FYB2: variants seen among roughly 807,000 people sequenced by gnomAD.
FYB2 encodes FYN binding protein 2, also known as FYN-binding protein 2.
Under a neutral mutation model 94.1 loss-of-function variants are expected in FYB2, and 103 were observed. That is an observed-to-expected ratio of 1.09 (90% CI 0.93 to 1.29). The LOEUF (loss-of-function observed/expected upper bound fraction) is 1.29, where lower values mean the gene tolerates loss of function less well. Among genes scored for constraint, FYB2 ranks in the 50% most tolerant of loss-of-function variants. The pLI, the probability that FYB2 is intolerant of heterozygous loss-of-function variation, is 0.00. For missense variants in FYB2, 896 were observed against 841.5 expected, an observed-to-expected ratio of 1.06 and a Z score of -0.80; for synonymous variants, 293 against 287.9, an observed-to-expected ratio of 1.02 and a Z score of -0.18.
chr1:56,803,605 T>G (rs1362874170), intron 1 of FYB2, among the ~76,000 whole-genome samples: 1 of 152,188 alleles, frequency 6.6e-6, no homozygotes, highest in East Asian at 1.9e-4. Context: ...ACAATTCCAG[T>G]CTAAAATGTC....
chr1:56,736,344 CTT>C (rs967857556), intron 15 of FYB2, among the ~76,000 whole-genome samples: 1 of 148,948 alleles, frequency 6.7e-6, no homozygotes, highest in Non-Finnish European at 1.5e-5. Context: ...AGAGAGGAGA[CTT>C]TTATTTTTAA....
In FYB2 at chr1:56,719,253, A is replaced by AAATT. The variant is rs1644441294; in HGVS notation, c.*414_*417dup. 1 of 160,808 alleles carries AAATT rather than the reference A, an allele frequency of 6.2e-6. No individual in the cohort carries two copies. The highest frequency in any genetic ancestry group is 1.9e-4 in the South Asian group (1 of 5,250). The allele number at this position is 160,808 out of a possible 1,614,324, so 10.0% of individuals were successfully genotyped here. ...GTTACACTGTTTACTGTTCAGAATT[A>AAATT]AATTATACCAAGTTTGAGTGCACAA... On this transcript the variant is annotated 3_prime_UTR_variant, in exon 20 of 20. Transcript: ENST00000343433.
intron 1 of FYB2, among the ~76,000 whole-genome samples, chr1:56,797,543 A>C (rs1194894841): frequency 6.6e-6 from 1 of 152,106 alleles, no homozygotes; most frequent in Non-Finnish European, 1.5e-5. Flanking sequence ...AATTTTGCCC[A>C]ACAGAGGTGT....
At chr1:56,760,033 C>T (rs949303620) in intron 5 of FYB2, among the ~76,000 whole-genome samples, 6 of 147,446 alleles carry the variant, frequency 4.1e-5, no homozygotes, top group African/African-American at 7.5e-5. Flanking sequence ...GAGCCGAGAT[C>T]GCGCTACTGT....
At chr1:56,782,052 C>T (rs1012507544) in intron 4 of FYB2, among the ~76,000 whole-genome samples, 2 of 152,026 alleles carry the variant, frequency 1.3e-5, no homozygotes, top group East Asian at 1.9e-4. Flanking sequence ...TACATTCGTA[C>T]GATGTGTAAA....
At position 56,753,848 on chromosome 1, in the gene FYB2, A is replaced by G. The variant is rs746361354; in HGVS notation, c.1218T>C (p.His406=). 4 of 1,606,006 alleles carry G rather than the reference A, an allele frequency of 2.5e-6. No homozygotes were observed. Among genetic ancestry groups the G allele is most frequent in the Admixed American group, 3.3e-5 (2 of 59,810 alleles). ...CGTAGAACATAGGTACCTTGAAAAC[A>G]TGGTTTGAATATGGTTCCTTTTCTG... ...KNTEKEPYSN[H]VFKVDACEGT... Residue 406 remains histidine (H), a synonymous_variant, in exon 8 of 20, where the codon CAT becomes CAC. Coordinates refer to ENST00000343433, the MANE Select transcript of FYB2 (RefSeq NM_001004303.5).
chr1:56,729,801 A>G (rs140759967), intron 15 of FYB2, among the ~76,000 whole-genome samples: 1 of 152,270 alleles, frequency 6.6e-6, no homozygotes, highest in East Asian at 1.9e-4. Flanking sequence ...AGTATCAACA[A>G]GTTTTTAAAA....
chr1:56,792,150 G>C lies in FYB2; in HGVS notation c.663C>G (p.Ile221Met). 6.2e-7 allele frequency: 1 copy of C among 1,613,938 alleles called. No homozygotes were observed. Among genetic ancestry groups the C allele is most frequent in the Non-Finnish European group, 8.5e-7 (1 of 1,179,942 alleles). ...EDPSFVISQH[I>M]RKSWENPPPE... ...GAGGTGGGTTTTCCCAGCTTTTTCT[G>C]ATATGTTGAGAAATTACAAAAGAGG... The change falls in exon 2 of 20, where the codon ATC (isoleucine) becomes ATG (methionine). Residue 221 changes from isoleucine to methionine, a missense_variant. Coordinates refer to ENST00000343433, the MANE Select transcript of FYB2 (RefSeq NM_001004303.5).
chr1:56,794,036 T>C (rs1646338190), intron 1 of FYB2, among the ~76,000 whole-genome samples: 1 of 152,218 alleles, frequency 6.6e-6, no homozygotes, highest in African/African-American at 2.4e-5. Context: ...TCCATTACAG[T>C]GCCTGACACA....
chr1:56,740,347 A>C (rs1644922631), intron 13 of FYB2, among the ~76,000 whole-genome samples: 2 of 152,116 alleles, frequency 1.3e-5, no homozygotes, highest in African/African-American at 4.8e-5. Flanking sequence ...GTAGGGCCCC[A>C]AAAGCATAAA....
chr1:56,754,446 C>T (rs967283425), intron 7 of FYB2, among the ~76,000 whole-genome samples: 2 of 152,064 alleles, frequency 1.3e-5, no homozygotes, highest in African/African-American at 2.4e-5. Flanking sequence ...AGCAGTCATA[C>T]CTTCTCTACT....
chr1:56,752,976 T>C (rs1219940397), intron 8 of FYB2, among the ~76,000 whole-genome samples: 1 of 152,072 alleles, frequency 6.6e-6, no homozygotes, highest in East Asian at 1.9e-4. Flanking sequence ...GGACCTTGTC[T>C]TTCTTAATTA....
At chr1:56,758,178 A>G (rs1645404547) in intron 6 of FYB2, among the ~76,000 whole-genome samples, 1 of 151,634 alleles carries the variant, frequency 6.6e-6, no homozygotes, top group Non-Finnish European at 1.5e-5. Context: ...CATTTATCTT[A>G]TTTTCATTCT....
Position 56,792,235 on chromosome 1 carries a change from G to T in FYB2, c.578C>A (p.Thr193Asn), listed in dbSNP as rs201585746. The T allele has an allele frequency of 1.8e-5, 29 of 1,612,904 alleles. No homozygotes were observed. Among genetic ancestry groups the T allele is most frequent in the Non-Finnish European group, 2.5e-5 (29 of 1,179,740 alleles). The stretch of plus-strand genomic sequence containing the variant: ...CACCACGTGCTTCTGGGAAGGAAGA[G>T]TCTGGGCTCCTTTTGTTTCCAGCTT... ...RKKLETKGAQTLPSQKHVVAP... is the reference protein window; with the variant it reads ...RKKLETKGAQNLPSQKHVVAP... Residue 193 changes from threonine to asparagine, a missense_variant, in exon 2 of 20, where the codon ACT (threonine) becomes AAT (asparagine). Thr to Asn is a moderately conservative substitution (Grantham distance 65, BLOSUM62 0). Coordinates refer to ENST00000343433, the MANE Select transcript of FYB2 (RefSeq NM_001004303.5).
At chr1:56,744,595 A>G (rs1261884106) in intron 9 of FYB2, among the ~76,000 whole-genome samples, 3 of 151,926 alleles carry the variant, frequency 2.0e-5, no homozygotes, top group Non-Finnish European at 4.4e-5. Flanking sequence ...CCTGACCTCA[A>G]ACTTTGAAGT....
chr1:56,805,356 G>A (rs191735420), intron 1 of FYB2, among the ~76,000 whole-genome samples: 19 of 152,304 alleles, frequency 1.2e-4, no homozygotes, highest in Admixed American at 1.2e-3. Flanking sequence ...GGTAACTGGG[G>A]AAAAATTGGG....
intron 15 of FYB2, among the ~76,000 whole-genome samples, chr1:56,730,804 T>C (rs111853636): frequency 0.017 from 2,575 of 152,072 alleles, 74 homozygotes; most frequent in African/African-American, 0.059. Flanking sequence ...AGCATAACCC[T>C]GATACCAAAA....
intron 5 of FYB2, chr1:56,761,854 T>C (rs952254126): frequency 1.3e-5 from 2 of 152,144 alleles, no homozygotes; most frequent in African/African-American, 4.8e-5. Context: ...TGTCTCACCT[T>C]TGGTGTACAA....
At chr1:56,726,637 G>A in intron 15 of FYB2, 54 bp from the exon 16 acceptor site, 1 of 1,437,142 alleles carries the variant, frequency 7.0e-7, no homozygotes, top group South Asian at 1.2e-5. Context: ...ATATATTCAT[G>A]GAACCATCAA....
Sources: gnomAD v4.1 joint callset for allele counts (sites outside exome capture counted in the v4.1 genomes callset) on GRCh38, gnomAD v4.1.1 for gene constraint, MANE v1.5 for transcripts, NCBI Gene and HGNC (gene_info 2026-07-23, HGNC 2026-07-21) for gene names.